The following CTNNA3 variants were observed in gnomAD, a reference collection of about 807,000 sequenced individuals.
The protein encoded by CTNNA3 is catenin alpha 3, also known as catenin alpha-3.
Under a neutral mutation model 95.7 loss-of-function variants are expected in CTNNA3, and 76 were observed. That is an observed-to-expected ratio of 0.79 (90% CI 0.66 to 0.96). The LOEUF (loss-of-function observed/expected upper bound fraction) is 0.96. CTNNA3 is among the 40% of genes least tolerant of loss of function. The probability of loss-of-function intolerance (pLI) is 0.00; values close to 1 mark genes in which losing one functional copy is unlikely to be tolerated. For missense variants in CTNNA3, 1,191 were observed against 1,089.8 expected (o/e 1.09, Z -1.31); for synonymous variants, 431 against 374.4 (o/e 1.15, Z -1.74).
chr10:66,763,893 C>T (rs1368764704), intron 9 of CTNNA3, among the ~76,000 whole-genome samples: 1 of 152,142 alleles, frequency 6.6e-6, no homozygotes, highest in Admixed American at 6.5e-5. Context: ...CGGACTAGGC[C>T]AACCTTTGGC....
intron 12 of CTNNA3, among the ~76,000 whole-genome samples, chr10:66,325,707 G>GGGAGACT (rs3053764): frequency 0.06 from 9,191 of 152,102 alleles, 439 homozygotes; most frequent in East Asian, 0.11. Context: ...AGGCTGTTTA[G>GGGAGACT]CCACAAGAAC....
intron 12 of CTNNA3, among the ~76,000 whole-genome samples, chr10:66,316,819 T>A (rs1199512648): frequency 6.6e-6 from 1 of 152,156 alleles, no homozygotes; most frequent in Non-Finnish European, 1.5e-5. Context: ...ATTATCCAGT[T>A]GACAGATAAT....
At chr10:67,492,741 G>GA (rs1838892772) in intron 5 of CTNNA3, among the ~76,000 whole-genome samples, 1 of 152,172 alleles carries the variant, frequency 6.6e-6, no homozygotes, top group Non-Finnish European at 1.5e-5. Context: ...CACGAAGAGG[G>GA]AACAGCAAGT....
At chr10:67,656,919 C>A (rs1481363130) in intron 1 of CTNNA3, among the ~76,000 whole-genome samples, 1 of 152,106 alleles carries the variant, frequency 6.6e-6, no homozygotes, top group African/African-American at 2.4e-5. Context: ...AAAACATCAA[C>A]TGTTTTATTT....
chr10:67,106,021 G>A (rs1858613807), intron 7 of CTNNA3, among the ~76,000 whole-genome samples: 1 of 152,172 alleles, frequency 6.6e-6, no homozygotes, highest in Admixed American at 6.5e-5. Flanking sequence ...GCCACCATTG[G>A]CTTTGACACG....
At chr10:67,285,319 C>T (rs571207960) in intron 5 of CTNNA3, among the ~76,000 whole-genome samples, 2 of 152,228 alleles carry the variant, frequency 1.3e-5, no homozygotes, top group South Asian at 2.1e-4. Context: ...AGAAATCATC[C>T]GTAAACTTCA....
At chr10:67,020,402 T>C (rs952227806) in intron 7 of CTNNA3, among the ~76,000 whole-genome samples, 1 of 152,172 alleles carries the variant, frequency 6.6e-6, no homozygotes, top group Non-Finnish European at 1.5e-5. Context: ...TATCTTCTCT[T>C]ATGAATGGAT....
intron 5 of CTNNA3, among the ~76,000 whole-genome samples, chr10:67,445,865 C>T (rs1041572463): frequency 6.6e-6 from 1 of 152,146 alleles, no homozygotes; most frequent in Admixed American, 6.5e-5. Flanking sequence ...TGCAATAACC[C>T]ATTTACTCAT....
In CTNNA3 at chr10:66,617,410, G is replaced by A. The variant is rs12260229; in HGVS notation, c.1374+4282C>T. Among the ~76,000 whole-genome samples the A allele has an allele frequency of 5.9e-5, 9 of 151,922 alleles. No individual in the cohort carries two copies. In the South Asian group the frequency reaches 8.3e-4, roughly 14 times the overall value. ...GGGATGCAAGGCTGGTTCAATATAC[G>A]CAAATCAATAAATGTAATCCAGCAT... On this transcript the variant is annotated intron_variant, in intron 10 of 17. Coordinates refer to ENST00000433211, the MANE Select transcript of CTNNA3 (RefSeq NM_013266.4).
intron 11 of CTNNA3, among the ~76,000 whole-genome samples, chr10:66,426,194 T>C (rs1321930281): frequency 6.6e-6 from 1 of 152,084 alleles, no homozygotes; most frequent in African/African-American, 2.4e-5. Flanking sequence ...TTTCCAACTT[T>C]TGGCTAGTAC....
At chr10:66,281,470 C>T (rs1000559672) in intron 12 of CTNNA3, among the ~76,000 whole-genome samples, 8 of 151,788 alleles carry the variant, frequency 5.3e-5, no homozygotes, top group African/African-American at 1.9e-4. Flanking sequence ...GAAATCAAGA[C>T]TCTTCCACAG....
chr10:67,128,635 C>A (rs1265981595), intron 7 of CTNNA3, among the ~76,000 whole-genome samples: 1 of 152,022 alleles, frequency 6.6e-6, no homozygotes, highest in African/African-American at 2.4e-5. Flanking sequence ...TTAATTTTTC[C>A]AATTTCTTCC....
At chr10:66,686,220 C>T (rs1439096962) in intron 9 of CTNNA3, among the ~76,000 whole-genome samples, 1 of 152,128 alleles carries the variant, frequency 6.6e-6, no homozygotes, top group African/African-American at 2.4e-5. Context: ...TTATTTAATT[C>T]TTGAGGTATA....
intron 10 of CTNNA3, 91 bp downstream of exon 10, chr10:66,621,601 A>T: frequency 1.3e-6 from 1 of 767,160 alleles, no homozygotes; most frequent in Non-Finnish European, 2.0e-6. Context: ...CAAAAAAAAA[A>T]AAAGAAAAAA....
At chr10:66,958,690 C>A (rs879318324) in intron 7 of CTNNA3, among the ~76,000 whole-genome samples, 9 of 152,078 alleles carry the variant, frequency 5.9e-5, no homozygotes, top group Non-Finnish European at 1.0e-4. Flanking sequence ...GTTAAAATTC[C>A]AGCACCAGAG....
chr10:67,033,574 T>C (rs1853864246), intron 7 of CTNNA3, among the ~76,000 whole-genome samples: 1 of 152,210 alleles, frequency 6.6e-6, no homozygotes, highest in Non-Finnish European at 1.5e-5. Context: ...TAGTGCCTAA[T>C]ATGTGCCGAG....
chr10:66,070,428 A>G (rs2080411135), intron 14 of CTNNA3, among the ~76,000 whole-genome samples: 1 of 152,144 alleles, frequency 6.6e-6, no homozygotes, highest in Admixed American at 6.6e-5. Context: ...GGTCATTATC[A>G]TTCTCTCCAT....
intron 5 of CTNNA3, among the ~76,000 whole-genome samples, chr10:67,506,918 G>A (rs943200810): frequency 9.9e-5 from 15 of 152,136 alleles, no homozygotes; most frequent in African/African-American, 3.6e-4. Flanking sequence ...AAGTCACAGT[G>A]GACAACCCAG....
At chr10:67,660,118 C>A (rs1448056549) in intron 1 of CTNNA3, among the ~76,000 whole-genome samples, 1 of 152,104 alleles carries the variant, frequency 6.6e-6, no homozygotes, top group Non-Finnish European at 1.5e-5. Context: ...CTGTCATAAT[C>A]CTTGAAGAGA....
Sources: gnomAD v4.1 joint callset for allele counts (sites outside exome capture counted in the v4.1 genomes callset) on GRCh38, gnomAD v4.1.1 for gene constraint, MANE v1.5 for transcripts, NCBI Gene and HGNC (gene_info 2026-07-23, HGNC 2026-07-21) for gene names.